Variants in EPHB1 observed in about 807,000 individuals in gnomAD.
EPHB1 encodes EPH receptor B1, also known as ephrin type-B receptor 1.
Under a neutral mutation model 94.4 loss-of-function variants are expected in EPHB1, and 30 were observed. The ratio of observed to expected loss-of-function variants is 0.32; its 90% CI spans 0.24 to 0.43. The LOEUF is 0.43. Among genes scored for constraint, EPHB1 ranks in the 20% least tolerant of loss-of-function variants. The pLI, the probability that EPHB1 is intolerant of heterozygous loss-of-function variation, is 1.00. For synonymous variants in EPHB1, 522 were observed against 489.1 expected, an observed-to-expected ratio of 1.07 and a Z score of -0.89; for missense variants, 1,055 against 1,308.3, an observed-to-expected ratio of 0.81 and a Z score of 2.99.
At chr3:135,088,377 A>G (rs968789752) in intron 3 of EPHB1, among the ~76,000 whole-genome samples, 6 of 152,222 alleles carry the variant, frequency 3.9e-5, no homozygotes, top group Non-Finnish European at 8.8e-5. Context: ...TGGAAATGCT[A>G]CTATCTTCTC....
At chr3:135,009,586 C>A (rs1177944322) in intron 3 of EPHB1, among the ~76,000 whole-genome samples, 2 of 152,192 alleles carry the variant, frequency 1.3e-5, no homozygotes, top group Non-Finnish European at 2.9e-5. Context: ...CCTGAGGGCC[C>A]CCAGGCCCTG....
chr3:135,058,590 A>C (rs1056874385), intron 3 of EPHB1, among the ~76,000 whole-genome samples: 1 of 152,154 alleles, frequency 6.6e-6, no homozygotes, highest in African/African-American at 2.4e-5. Flanking sequence ...CTCCCATTCA[A>C]CCTTCTCATC....
chr3:134,830,979 C>T (rs746257064), intron 1 of EPHB1, among the ~76,000 whole-genome samples: 2 of 152,188 alleles, frequency 1.3e-5, no homozygotes, highest in Non-Finnish European at 1.5e-5. Flanking sequence ...CCTCCATCAG[C>T]TTTCTCTCCA....
At chr3:134,931,900 A>G (rs115418278) in intron 2 of EPHB1, among the ~76,000 whole-genome samples, 1,961 of 152,194 alleles carry the variant, frequency 0.013, 38 homozygotes, top group African/African-American at 0.043. Context: ...GTACATATGT[A>G]TATAGTGTAT....
At chr3:135,029,769 C>G (rs1168450727) in intron 3 of EPHB1, among the ~76,000 whole-genome samples, 2 of 151,934 alleles carry the variant, frequency 1.3e-5, no homozygotes, top group Non-Finnish European at 2.9e-5. Context: ...GAACGTTGGC[C>G]TGCCTTGCGA....
intron 1 of EPHB1, among the ~76,000 whole-genome samples, chr3:134,882,829 T>C (rs2037784484): frequency 6.7e-6 from 1 of 149,232 alleles, no homozygotes; most frequent in Admixed American, 6.7e-5. Context: ...TTTCTTTTCT[T>C]TCTTTCTTTC....
intron 15 of EPHB1, among the ~76,000 whole-genome samples, chr3:135,251,577 G>A (rs1475667283): frequency 5.9e-5 from 9 of 152,164 alleles, no homozygotes; most frequent in African/African-American, 2.2e-4. Context: ...TTCTTGAGAG[G>A]TAAAAGATGG....
chr3:135,170,571 T>C (rs1941777472), intron 9 of EPHB1, among the ~76,000 whole-genome samples: 1 of 152,032 alleles, frequency 6.6e-6, no homozygotes, highest in Non-Finnish European at 1.5e-5. Context: ...CTCATGGTTT[T>C]TGTGGGCCCG....
intron 9 of EPHB1, among the ~76,000 whole-genome samples, chr3:135,173,830 C>T (rs1188632735): frequency 1.3e-5 from 2 of 152,226 alleles, no homozygotes; most frequent in East Asian, 3.9e-4. Context: ...TCTAAAACCA[C>T]ATGTGCCAGC....
intron 4 of EPHB1, among the ~76,000 whole-genome samples, chr3:135,120,324 C>G (rs1939899735): frequency 6.6e-6 from 1 of 152,026 alleles, no homozygotes; most frequent in African/African-American, 2.4e-5. Context: ...AGATTTAATC[C>G]TAGGTATTTT....
At chr3:134,969,456 G>C (rs1344105123) in intron 3 of EPHB1, among the ~76,000 whole-genome samples, 1 of 152,192 alleles carries the variant, frequency 6.6e-6, no homozygotes, top group African/African-American at 2.4e-5. Context: ...AGGAGCCCTG[G>C]GAGGCAGGTG....
chr3:134,983,771 C>A (rs899972980), intron 3 of EPHB1, among the ~76,000 whole-genome samples: 2 of 152,264 alleles, frequency 1.3e-5, no homozygotes, highest in Non-Finnish European at 1.5e-5. Context: ...AGGCATCTGT[C>A]TCTCTCCTTA....
At chr3:135,002,705 G>C (rs547672464) in intron 3 of EPHB1, among the ~76,000 whole-genome samples, 2,103 of 152,236 alleles carry the variant, frequency 0.014, 42 homozygotes, top group African/African-American at 0.049. Flanking sequence ...ATGTGTGAAG[G>C]AATTTATCCA....
At chr3:134,833,577 G>C (rs2036616688) in intron 1 of EPHB1, among the ~76,000 whole-genome samples, 1 of 152,234 alleles carries the variant, frequency 6.6e-6, no homozygotes, top group Non-Finnish European at 1.5e-5. Flanking sequence ...AGTCTCTTGG[G>C]AGATAAGAGC....
chr3:135,167,115 TTC>T, intron 9 of EPHB1, 109 bp downstream of exon 9: 1 of 1,307,056 alleles, frequency 7.7e-7, no homozygotes, highest in Non-Finnish European at 1.1e-6. Flanking sequence ...CAGTGGCAAG[TTC>T]TCTCTCAGCC....
chr3:135,069,357 T>C (rs943519524), intron 3 of EPHB1, among the ~76,000 whole-genome samples: 4 of 152,120 alleles, frequency 2.6e-5, no homozygotes, highest in African/African-American at 7.2e-5. Flanking sequence ...TAGTGCTCTC[T>C]GCTACTCTTC....
intron 15 of EPHB1, among the ~76,000 whole-genome samples, chr3:135,252,638 C>T (rs1461958029): frequency 7.1e-6 from 1 of 140,524 alleles, no homozygotes; most frequent in Non-Finnish European, 1.6e-5. Flanking sequence ...GGGTTGGTTC[C>T]AAGTCTTTGC....
At chr3:134,877,595 T>C (rs1197418247) in intron 1 of EPHB1, among the ~76,000 whole-genome samples, 3 of 152,166 alleles carry the variant, frequency 2.0e-5, no homozygotes, top group Non-Finnish European at 4.4e-5. Context: ...ACAAGAAAAT[T>C]GTTACTGACA....
At chr3:135,112,450 T>A (rs1939486018) in intron 4 of EPHB1, among the ~76,000 whole-genome samples, 2 of 152,124 alleles carry the variant, frequency 1.3e-5, no homozygotes. Context: ...CGTGCAGGTT[T>A]GTTACATATA....
Sources: gnomAD v4.1 joint callset for allele counts (sites outside exome capture counted in the v4.1 genomes callset) on GRCh38, gnomAD v4.1.1 for gene constraint, MANE v1.5 for transcripts, NCBI Gene and HGNC (gene_info 2026-07-23, HGNC 2026-07-21) for gene names.